C17orf78: variants seen among roughly 807,000 people sequenced by gnomAD.
The protein encoded by C17orf78 is uncharacterized protein C17orf78.
A neutral mutation model predicts 31.8 loss-of-function variants in C17orf78; 27 were observed. The ratio of observed to expected loss-of-function variants is 0.85; its 90% CI spans 0.63 to 1.17. The LOEUF is 1.17. Among genes scored for constraint, C17orf78 ranks in the 50% most tolerant of loss-of-function variants. The pLI is 0.00. For missense variants in C17orf78, 258 were observed against 315.2 expected (o/e 0.82, Z 1.37); for synonymous variants, 106 against 115.1 (o/e 0.92, Z 0.51).
At chr17:37,380,342 G>A (rs949804007) in intron 3 of C17orf78, among the ~76,000 whole-genome samples, 1 of 151,346 alleles carries the variant, frequency 6.6e-6, no homozygotes, top group Non-Finnish European at 1.5e-5. Context: ...GAGTTAGTGG[G>A]TGCAGCGCAC....
At chr17:37,378,000 C>T in intron 2 of C17orf78, 35 bp downstream of exon 2, 2 of 1,584,402 alleles carry the variant, frequency 1.3e-6, no homozygotes, top group East Asian at 2.2e-5. Flanking sequence ...AATGATATTG[C>T]CATTCCAAAA....
chr17:37,383,892 C>T (rs768327513), intron 3 of C17orf78, among the ~76,000 whole-genome samples: 2 of 152,174 alleles, frequency 1.3e-5, no homozygotes, highest in Non-Finnish European at 2.9e-5. Context: ...AACATAATCC[C>T]TTCTACAAGT....
chr17:37,382,769 A>G (rs2050357036), intron 3 of C17orf78, among the ~76,000 whole-genome samples: 1 of 152,326 alleles, frequency 6.6e-6, no homozygotes, highest in East Asian at 1.9e-4. Context: ...CTGAGACAGA[A>G]GAATAGCTTG....
At chr17:37,378,005 C>A (rs534868477) in intron 2 of C17orf78, 40 bp downstream of exon 2, 1 of 1,577,134 alleles carries the variant, frequency 6.3e-7, no homozygotes, top group South Asian at 1.1e-5. Context: ...TATTGCCATT[C>A]CAAAAAATTT....
At chr17:37,388,547 G>C in intron 4 of C17orf78, 123 bp from the exon 5 acceptor site, 1 of 1,160,714 alleles carries the variant, frequency 8.6e-7, no homozygotes, top group Non-Finnish European at 1.2e-6. Context: ...TTCTGCCTCT[G>C]CCTCTGGGTT....
intron 3 of C17orf78, among the ~76,000 whole-genome samples, chr17:37,380,161 A>T (rs895551582): frequency 6.6e-6 from 1 of 151,806 alleles, no homozygotes; most frequent in African/African-American, 2.4e-5. Flanking sequence ...CATTCTCAGT[A>T]AACTATCACA....
chr17:37,390,520 G>A (rs948605002), intron 6 of C17orf78, among the ~76,000 whole-genome samples: 10 of 147,948 alleles, frequency 6.8e-5, no homozygotes, highest in Admixed American at 1.4e-4. Flanking sequence ...CCAGCTACTC[G>A]GGAGGCTGAG....
chr17:37,376,278 A>G (rs897516933), intron 1 of C17orf78, 128 bp downstream of exon 1: 2 of 731,086 alleles, frequency 2.7e-6, no homozygotes, highest in African/African-American at 3.5e-5. Flanking sequence ...AGTTAATCCC[A>G]TGTATCCACT....
Position 37,391,934 on chromosome 17 carries a change from C to T in C17orf78, c.*210C>T. 5.2e-6 allele frequency: 3 copies of T among 577,070 alleles called. No homozygotes were observed. Among genetic ancestry groups the T allele is most frequent in the Admixed American group, 3.0e-5 (1 of 33,522 alleles). The allele number at this position is 577,070 out of a possible 1,614,324, so 35.7% of individuals were successfully genotyped here. ...ACAACCTTCTGTAATTCACTTCATA[C>T]ATCCATCTAAATGGATACCTTTCCA... On this transcript the variant is annotated 3_prime_UTR_variant, in exon 7 of 7. Transcript: ENST00000615133.
At chr17:37,387,151 ACT>A (rs2147779945) in intron 4 of C17orf78, 1 of 150,914 alleles carries the variant, frequency 6.6e-6, no homozygotes, top group Admixed American at 6.6e-5. Flanking sequence ...ATGGAGTCTC[ACT>A]CTGTCACCCA....
intron 6 of C17orf78, among the ~76,000 whole-genome samples, chr17:37,390,304 T>TTATA (rs1189193698): frequency 0.019 from 347 of 17,966 alleles, 14 homozygotes; most frequent in Admixed American, 0.025. Context: ...TTATACATAA[T>TTATA]TATATATATA....
intron 4 of C17orf78, chr17:37,387,791 A>G (rs1016668790): frequency 1.3e-5 from 2 of 152,100 alleles, no homozygotes; most frequent in East Asian, 1.9e-4. Context: ...ATTGGCCAGG[A>G]CTAAAATTCT....
chr17:37,377,702 T>TAAAA (rs1555667325), intron 1 of C17orf78, among the ~76,000 whole-genome samples, 177 bp from the exon 2 acceptor site: 6 of 138,516 alleles, frequency 4.3e-5, no homozygotes, highest in African/African-American at 8.1e-5. Context: ...AATAAATAAA[T>TAAAA]AAAAGTAAAG....
intron 3 of C17orf78, among the ~76,000 whole-genome samples, chr17:37,383,368 A>G (rs2050388341): frequency 6.6e-6 from 1 of 152,184 alleles, no homozygotes; most frequent in Non-Finnish European, 1.5e-5. Context: ...TCCCAGAGAA[A>G]AAGAAACTCT....
intron 6 of C17orf78, among the ~76,000 whole-genome samples, chr17:37,390,908 T>C (rs1169191554): frequency 6.6e-6 from 1 of 152,074 alleles, no homozygotes. Flanking sequence ...CAACTGTGAT[T>C]GAACTTCTAT....
At chr17:37,390,334 A>ATATATATAT (rs2050822111) in intron 6 of C17orf78, among the ~76,000 whole-genome samples, 7 of 93,392 alleles carry the variant, frequency 7.5e-5, no homozygotes, top group Non-Finnish European at 9.7e-5. Flanking sequence ...ATATATATAT[A>ATATATATAT]AAAGGCCAGC....
intron 4 of C17orf78, 72 bp from the exon 5 acceptor site, chr17:37,388,598 A>G (rs1478905465): frequency 5.3e-6 from 8 of 1,507,830 alleles, no homozygotes; most frequent in Non-Finnish European, 7.3e-6. Context: ...GAAGAACTTC[A>G]GGTCAAAGGA....
chr17:37,385,782 T>C (rs1048707164), intron 3 of C17orf78, among the ~76,000 whole-genome samples: 1 of 152,148 alleles, frequency 6.6e-6, no homozygotes, highest in African/African-American at 2.4e-5. Context: ...TTTGATCCTA[T>C]GTTAGTTAAA....
In C17orf78 at chr17:37,392,455, T is replaced by C. The variant is rs2050922554; in HGVS notation, c.*731T>C. The C allele has an allele frequency of 6.6e-6, 1 of 152,194 alleles. No individual in the cohort carries two copies. The highest frequency in any genetic ancestry group is 6.5e-5 in the Admixed American group (1 of 15,272). The allele number at this position is 152,194 out of a possible 1,614,324, so 9.4% of individuals were successfully genotyped here. ...GCTGTTTCTCACAGGAGAATAGCTA[T>C]GAGTCAAATCTAACCTGCTTAAATA... On this transcript the variant is annotated 3_prime_UTR_variant, in exon 7 of 7. Coordinates refer to ENST00000615133, the MANE Select transcript of C17orf78 (RefSeq NM_173625.5).
Sources: allele counts gnomAD v4.1 joint callset (sites outside exome capture counted in the v4.1 genomes callset), GRCh38; gene constraint gnomAD v4.1.1; transcripts MANE v1.5; gene names NCBI Gene and HGNC (gene_info 2026-07-23, HGNC 2026-07-21).